MGMT: variants seen among roughly 807,000 people sequenced by gnomAD.
MGMT encodes O-6-methylguanine-DNA methyltransferase.
Under a neutral mutation model 15.9 loss-of-function variants are expected in MGMT, and 14 were observed. The ratio of observed to expected loss-of-function variants is 0.88; its 90% CI spans 0.58 to 1.37. The LOEUF is 1.37. MGMT is among the 40% of genes most tolerant of loss of function. The probability of loss-of-function intolerance (pLI) is 0.00; values close to 1 mark genes in which losing one functional copy is unlikely to be tolerated. For synonymous variants in MGMT, 130 were observed against 118.2 expected, an observed-to-expected ratio of 1.10 and a Z score of -0.65; for missense variants, 282 against 268.1, an observed-to-expected ratio of 1.05 and a Z score of -0.36.
At chr10:129,701,299 G>A (rs1848096566) in intron 2 of MGMT, 2 of 152,192 alleles carry the variant, frequency 1.3e-5, no homozygotes, top group Non-Finnish European at 2.9e-5. Context: ...AGATGAAAAC[G>A]TCGTCCATGG....
chr10:129,578,294 C>G (rs1846510830), intron 2 of MGMT, among the ~76,000 whole-genome samples: 1 of 152,104 alleles, frequency 6.6e-6, no homozygotes, highest in Non-Finnish European at 1.5e-5. Flanking sequence ...AAATGTCCAA[C>G]AATGATAGAC....
chr10:129,534,075 T>C (rs1434403103), intron 1 of MGMT, among the ~76,000 whole-genome samples: 2 of 152,222 alleles, frequency 1.3e-5, no homozygotes, highest in Non-Finnish European at 2.9e-5. Context: ...TCTAAACTCG[T>C]GCCGACGTTG....
intron 1 of MGMT, among the ~76,000 whole-genome samples, chr10:129,503,686 T>C (rs1564836388): frequency 6.6e-6 from 1 of 152,244 alleles, no homozygotes; most frequent in Non-Finnish European, 1.5e-5. Context: ...TTTATTGTGT[T>C]ATGCCTAGTT....
chr10:129,662,470 T>C (rs1400416686), intron 2 of MGMT, among the ~76,000 whole-genome samples: 1 of 151,910 alleles, frequency 6.6e-6, no homozygotes, highest in Non-Finnish European at 1.5e-5. Context: ...CACACAAAGG[T>C]ACCACTAGAA....
At chr10:129,765,639 C>T (rs1226556359) in intron 4 of MGMT, among the ~76,000 whole-genome samples, 1 of 152,230 alleles carries the variant, frequency 6.6e-6, no homozygotes, top group African/African-American at 2.4e-5. Flanking sequence ...CATCACTGTC[C>T]CCTCTGGCTA....
chr10:129,672,878 A>G (rs1847740540), intron 2 of MGMT, among the ~76,000 whole-genome samples: 1 of 152,132 alleles, frequency 6.6e-6, no homozygotes, highest in Non-Finnish European at 1.5e-5. Context: ...CCATATTAGT[A>G]CATTGGAGAA....
chr10:129,523,415 G>T (rs1845834596), intron 1 of MGMT, among the ~76,000 whole-genome samples: 1 of 152,118 alleles, frequency 6.6e-6, no homozygotes, highest in Non-Finnish European at 1.5e-5. Flanking sequence ...GTAAACTAAA[G>T]GAATCATGCT....
At chr10:129,637,985 AC>A (rs1207967823) in intron 2 of MGMT, among the ~76,000 whole-genome samples, 4 of 152,186 alleles carry the variant, frequency 2.6e-5, no homozygotes, top group African/African-American at 9.7e-5. Flanking sequence ...CCAGCCTTGC[AC>A]TCGCGGGAGA....
rs1044648078 is a variant in MGMT at position 129,533,420 on chromosome 10, G to A, written c.-12-2821G>A. On this transcript the variant is annotated intron_variant, in intron 1 of 4. Transcript: ENST00000651593. This position sits in a 1 kb window ranked among gnomAD's most constrained non-coding sequence, Gnocchi z 4.5. ...GAGCCCAGGCCTCCTGACTCCGACA[G>A]CCTGCAGCCCTGCCCGAACTGGGAT... Among the ~76,000 whole-genome samples, 2 of 152,306 alleles carry A rather than the reference G, an allele frequency of 1.3e-5. No individual in the cohort carries two copies. The highest frequency in any genetic ancestry group is 4.8e-5 in the African/African-American group (2 of 41,570).
At chr10:129,723,433 T>C (rs969573466) in intron 3 of MGMT, among the ~76,000 whole-genome samples, 1 of 152,184 alleles carries the variant, frequency 6.6e-6, no homozygotes, top group Admixed American at 6.5e-5. Flanking sequence ...CTATATCATA[T>C]ACCTAAAGGA....
At chr10:129,613,595 C>T (rs140054888) in intron 2 of MGMT, among the ~76,000 whole-genome samples, 1 of 152,210 alleles carries the variant, frequency 6.6e-6, no homozygotes, top group Non-Finnish European at 1.5e-5. Context: ...GGTTCATCAT[C>T]TATCTGGTCT....
intron 2 of MGMT, among the ~76,000 whole-genome samples, chr10:129,595,387 T>C (rs1846739457): frequency 6.6e-6 from 1 of 152,216 alleles, no homozygotes; most frequent in South Asian, 2.1e-4. Context: ...ACGTCTTCTT[T>C]GTTCATGCCC....
rs764371384 is a variant in MGMT at position 129,766,970 on chromosome 10, G to C, written c.597G>C (p.Ser199=). 1.2e-6 allele frequency: 2 copies of C among 1,607,058 alleles called. No homozygotes were observed. The highest frequency in any genetic ancestry group is 1.7e-6 in the Non-Finnish European group (2 of 1,176,530). The change falls in exon 5 of 5, where the codon TCG becomes TCC. Residue 199 remains serine (S), a synonymous_variant. Coordinates refer to ENST00000651593, the MANE Select transcript of MGMT (RefSeq NM_002412.5). ...GAWLKGAGAT[S]GSPPAGRN is the part of the protein sequence containing the mutation. Reference sequence around the variant, plus strand: ...GGCTCAAGGGAGCGGGAGCTACCTCGGGCTCCCCGCCTGCTGGCCGAAACT... The same window carrying C: ...GGCTCAAGGGAGCGGGAGCTACCTCCGGCTCCCCGCCTGCTGGCCGAAACT...
intron 2 of MGMT, among the ~76,000 whole-genome samples, chr10:129,567,758 A>G (rs529713001): frequency 1.3e-5 from 2 of 152,362 alleles, no homozygotes; most frequent in East Asian, 1.9e-4. Context: ...AATCACTTCC[A>G]TATCACAAAA....
At chr10:129,640,239 A>G (rs1847313193) in intron 2 of MGMT, among the ~76,000 whole-genome samples, 1 of 151,962 alleles carries the variant, frequency 6.6e-6, no homozygotes, top group Non-Finnish European at 1.5e-5. Flanking sequence ...CTGGGACTAC[A>G]GGTGAGCACC....
chr10:129,489,081 C>A (rs575094056), intron 1 of MGMT, among the ~76,000 whole-genome samples: 1 of 152,178 alleles, frequency 6.6e-6, no homozygotes, highest in South Asian at 2.1e-4. Flanking sequence ...GATGAGTCAG[C>A]CAGGCACAGT....
At chr10:129,527,304 C>CG (rs1554906865) in intron 1 of MGMT, among the ~76,000 whole-genome samples, 2,078 of 152,270 alleles carry the variant, frequency 0.014, 53 homozygotes, top group African/African-American at 0.047. Flanking sequence ...TTGGAGCCCC[C>CG]CTTAGGACCG....
chr10:129,729,182 G>C (rs994804480), intron 3 of MGMT, among the ~76,000 whole-genome samples: 2 of 152,074 alleles, frequency 1.3e-5, no homozygotes, highest in African/African-American at 4.8e-5. Flanking sequence ...CTCATCCTCT[G>C]TAACAGGATG....
Position 129,724,589 on chromosome 10 carries a change from T to G in MGMT, c.274+16546T>G, listed in dbSNP as rs1054992858. Among the ~76,000 whole-genome samples the G allele has an allele frequency of 4.6e-5, 7 of 152,342 alleles. No individual in the cohort carries two copies. In the South Asian group the frequency reaches 1.4e-3, roughly 32 times the overall value. On this transcript the variant is annotated intron_variant, in intron 3 of 4. Transcript: ENST00000651593. ...AGAACCATAAATGGACATTGAACTCTTAATGGTATATGTGCTGAAGGACTT... is the reference window on the plus strand; with the variant it reads ...AGAACCATAAATGGACATTGAACTCGTAATGGTATATGTGCTGAAGGACTT...
Sources: allele counts gnomAD v4.1 joint callset (sites outside exome capture counted in the v4.1 genomes callset), GRCh38; gene constraint gnomAD v4.1.1; non-coding constraint Gnocchi (gnomAD v3.1); transcripts MANE v1.5; gene names NCBI Gene and HGNC (gene_info 2026-07-23, HGNC 2026-07-21).